CDH20: variants seen among roughly 807,000 people sequenced by gnomAD.
CDH20 encodes the protein cadherin 20, also known as cadherin-20.
In CDH20, 29 loss-of-function variants were observed where a neutral mutation model predicts 74.2. The observed-to-expected ratio is 0.39, with a 90% confidence interval of 0.29 to 0.53. CDH20 has a LOEUF of 0.53. CDH20 is among the 20% of genes least tolerant of loss of function. CDH20 has a pLI of 0.69. For missense variants in CDH20, 988 were observed against 1,048.3 expected (o/e 0.94, Z 0.79); for synonymous variants, 469 against 405.4 (o/e 1.16, Z -1.88).
At chr18:61,441,470 G>A (rs927676082) in intron 1 of CDH20, among the ~76,000 whole-genome samples, 1 of 152,124 alleles carries the variant, frequency 6.6e-6, no homozygotes, top group African/African-American at 2.4e-5. Context: ...TTAAGGGACT[G>A]GAGCTTATCC....
chr18:61,528,227 C>G lies in CDH20; in HGVS notation c.1271+7C>G, dbSNP rs553525434. The G allele has an allele frequency of 4.3e-6, 7 of 1,613,326 alleles. No individual in the cohort carries two copies. In the East Asian group the frequency reaches 1.6e-4, roughly 36 times the overall value. On this transcript the variant is annotated splice_region_variant and intron_variant, in intron 7 of 11. Coordinates refer to ENST00000262717, the MANE Select transcript of CDH20 (RefSeq NM_031891.4). ...TGACCAACAACTCAATCAGGTTTTT[C>G]CACAGATTTCACCTTTTCCTTATAT... is the stretch of plus-strand genomic sequence containing the variant.
At chr18:61,451,115 T>G (rs1228297250) in intron 1 of CDH20, among the ~76,000 whole-genome samples, 1 of 152,048 alleles carries the variant, frequency 6.6e-6, no homozygotes, top group Non-Finnish European at 1.5e-5. Flanking sequence ...TAATCAATTT[T>G]CTGTTATTTA....
chr18:61,490,377 C>T, intron 1 of CDH20, 25 bp from the exon 2 acceptor site: 5 of 616,726 alleles, frequency 8.1e-6, no homozygotes, highest in Non-Finnish European at 1.4e-5. Flanking sequence ...GACATCATCA[C>T]ACTGTGTTTT....
At chr18:61,335,944 G>C (rs1021880897) in intron 1 of CDH20, among the ~76,000 whole-genome samples, 4 of 152,176 alleles carry the variant, frequency 2.6e-5, no homozygotes, top group Non-Finnish European at 5.9e-5. Flanking sequence ...GGGGAGAGTT[G>C]CCGGGAAATT....
intron 1 of CDH20, among the ~76,000 whole-genome samples, chr18:61,464,324 A>T (rs1024149920): frequency 6.6e-6 from 1 of 152,064 alleles, no homozygotes; most frequent in Non-Finnish European, 1.5e-5. Context: ...TTAAAAAAAA[A>T]AAAGTTAACA....
intron 2 of CDH20, among the ~76,000 whole-genome samples, chr18:61,494,136 C>T (rs1262548575): frequency 6.6e-6 from 1 of 152,150 alleles, no homozygotes; most frequent in Non-Finnish European, 1.5e-5. Flanking sequence ...CAAAGTTAGA[C>T]CGAAGGTAGC....
rs149722458 is a variant in CDH20, at chr18:61,544,824, G to A, written c.1531-203G>A. 7.9e-5 allele frequency among the ~76,000 whole-genome samples: 12 copies of A among 152,246 alleles called. No individual in the cohort carries two copies. In the East Asian group the frequency reaches 1.5e-3, roughly 20 times the overall value. On this transcript the variant is annotated intron_variant, in intron 9 of 11. Transcript: ENST00000262717. ...GGAGTTCCTATTCTCACTTAGATCCGTGGGCACAGGCCAGAGGATGGAGCC... is the reference window on the plus strand; with the variant it reads ...GGAGTTCCTATTCTCACTTAGATCCATGGGCACAGGCCAGAGGATGGAGCC...
At chr18:61,548,189 G>A (rs1487143371) in intron 10 of CDH20, among the ~76,000 whole-genome samples, 3 of 152,122 alleles carry the variant, frequency 2.0e-5, no homozygotes, top group Non-Finnish European at 2.9e-5. Flanking sequence ...TTTCTCCATT[G>A]GGAAGAAAAT....
intron 9 of CDH20, among the ~76,000 whole-genome samples, chr18:61,544,439 T>C (rs569125885): frequency 2.0e-5 from 3 of 152,254 alleles, no homozygotes; most frequent in Admixed American, 1.3e-4. Flanking sequence ...ACTGGAAAAA[T>C]CAGATCACAC....
At chr18:61,476,125 C>T (rs571495256) in intron 1 of CDH20, among the ~76,000 whole-genome samples, 3 of 152,060 alleles carry the variant, frequency 2.0e-5, no homozygotes, top group Non-Finnish European at 2.9e-5. Context: ...GCCACATCCC[C>T]GTTAAGATGC....
intron 2 of CDH20, among the ~76,000 whole-genome samples, chr18:61,498,516 C>A (rs572317645): frequency 6.6e-6 from 1 of 151,960 alleles, no homozygotes; most frequent in Non-Finnish European, 1.5e-5. Flanking sequence ...CAGTTATGAA[C>A]CCAAGAACCA....
chr18:61,385,019 T>G (rs1283214385), intron 1 of CDH20, among the ~76,000 whole-genome samples: 1 of 152,134 alleles, frequency 6.6e-6, no homozygotes, highest in Non-Finnish European at 1.5e-5. Context: ...ATTAACCCTA[T>G]CAAGAAGATA....
intron 1 of CDH20, among the ~76,000 whole-genome samples, chr18:61,474,303 T>C (rs1910291906): frequency 6.6e-6 from 1 of 152,236 alleles, no homozygotes; most frequent in East Asian, 1.9e-4. Context: ...GAGATGCTCA[T>C]CTTCTGTGAA....
At chr18:61,483,983 A>G (rs1910674604) in intron 1 of CDH20, among the ~76,000 whole-genome samples, 1 of 152,200 alleles carries the variant, frequency 6.6e-6, no homozygotes, top group African/African-American at 2.4e-5. Flanking sequence ...TAGGTAGCAA[A>G]CTTACCTTTG....
chr18:61,449,464 A>G (rs1909310082), intron 1 of CDH20, among the ~76,000 whole-genome samples: 2 of 152,076 alleles, frequency 1.3e-5, no homozygotes, highest in Non-Finnish European at 2.9e-5. Context: ...TGATTCTCAC[A>G]TGGTTAATGG....
At position 61,539,014 on chromosome 18, in the gene CDH20, T is replaced by C; in HGVS notation, c.1409-10T>C. 1 of 1,610,638 alleles carries C rather than the reference T, an allele frequency of 6.2e-7. No homozygotes were observed. The highest frequency in any genetic ancestry group is 8.5e-7 in the Non-Finnish European group (1 of 1,179,170). On this transcript the variant is annotated splice_polypyrimidine_tract_variant and intron_variant, in intron 8 of 11. Transcript: ENST00000262717. ...ACTCTCAGATTTGGTTTTCCTTGTG[T>C]TCCCTTTAGACAATCCCTCCCAGGT... is the stretch of plus-strand genomic sequence containing the variant.
intron 1 of CDH20, among the ~76,000 whole-genome samples, chr18:61,467,448 C>T (rs1296399074): frequency 6.6e-6 from 1 of 152,094 alleles, no homozygotes; most frequent in East Asian, 1.9e-4. Context: ...TACTAACAAG[C>T]TTCCATTTCT....
intron 1 of CDH20, among the ~76,000 whole-genome samples, chr18:61,446,716 T>C (rs933050903): frequency 2.6e-5 from 4 of 152,216 alleles, no homozygotes; most frequent in Non-Finnish European, 5.9e-5. Flanking sequence ...TTCTGGATCA[T>C]TTGTTATAGC....
At chr18:61,551,210 A>T (rs1271431880) in intron 11 of CDH20, among the ~76,000 whole-genome samples, 1 of 152,208 alleles carries the variant, frequency 6.6e-6, no homozygotes, top group East Asian at 1.9e-4. Context: ...AACTCTTGCA[A>T]AAAAGAAAGT....
Sources: gnomAD v4.1 joint callset for allele counts (sites outside exome capture counted in the v4.1 genomes callset) on GRCh38, gnomAD v4.1.1 for gene constraint, MANE v1.5 for transcripts, NCBI Gene and HGNC (gene_info 2026-07-23, HGNC 2026-07-21) for gene names.